Variants in IL1RAPL2 observed in about 807,000 individuals in gnomAD.
The protein encoded by IL1RAPL2 is X-linked interleukin-1 receptor accessory protein-like 2.
A neutral mutation model predicts 44.1 loss-of-function variants in IL1RAPL2; 3 were observed. The observed-to-expected ratio is 0.07, with a 90% CI of 0.03 to 0.18. IL1RAPL2 has a LOEUF of 0.18. Among genes scored for constraint, IL1RAPL2 ranks in the 10% least tolerant of loss-of-function variants. The pLI, the probability that IL1RAPL2 is intolerant of heterozygous loss-of-function variation, is 1.00. For synonymous variants in IL1RAPL2, 181 were observed against 178.8 expected (o/e 1.01, Z -0.10); for missense variants, 391 against 496.4 (o/e 0.79, Z 2.02).
intron 2 of IL1RAPL2, among the ~76,000 whole-genome samples, chrX:104,738,703 G>C: frequency 8.9e-6 from 1 of 111,771 alleles, no homozygotes; most frequent in East Asian, 2.8e-4. Context: ...GCTTTGGGAG[G>C]CTGAGGTGGG....
At chrX:105,095,267 A>C (rs372289591) in intron 2 of IL1RAPL2, among the ~76,000 whole-genome samples, 2 of 111,400 alleles carry the variant, frequency 1.8e-5, no homozygotes, top group African/African-American at 6.5e-5. Flanking sequence ...GAAACATTTC[A>C]ATCTTTTACC....
At chrX:105,130,714 T>C (rs1477322610) in intron 2 of IL1RAPL2, among the ~76,000 whole-genome samples, 2 of 111,397 alleles carry the variant, frequency 1.8e-5, no homozygotes, top group Admixed American at 9.6e-5. Flanking sequence ...TTGAATTCCA[T>C]TTTCACATTG....
intron 6 of IL1RAPL2, among the ~76,000 whole-genome samples, chrX:105,682,545 C>T (rs759148588): frequency 8.9e-6 from 1 of 111,768 alleles, no homozygotes; most frequent in South Asian, 3.7e-4. Flanking sequence ...ACACCACTAG[C>T]ACTCTGATAA....
At chrX:105,244,372 C>T (rs899054228) in intron 4 of IL1RAPL2, among the ~76,000 whole-genome samples, 2 of 111,397 alleles carry the variant, frequency 1.8e-5, no homozygotes, top group Non-Finnish European at 3.8e-5. Context: ...TTTTATACCC[C>T]CTGCAATATT....
intron 2 of IL1RAPL2, among the ~76,000 whole-genome samples, chrX:105,163,407 G>A (rs911019086): frequency 9.0e-6 from 1 of 111,555 alleles, no homozygotes; most frequent in African/African-American, 3.3e-5. Context: ...ACATGACTCC[G>A]GGTTTTGCTT....
At chrX:105,017,289 G>C (rs1390936107) in intron 2 of IL1RAPL2, among the ~76,000 whole-genome samples, 8 of 110,812 alleles carry the variant, frequency 7.2e-5, no homozygotes, top group Non-Finnish European at 1.9e-5. Context: ...AGATTTTTGT[G>C]TCTATCTCCT....
At chrX:105,718,609 A>G (rs1390676541) in intron 7 of IL1RAPL2, among the ~76,000 whole-genome samples, 1 of 111,452 alleles carries the variant, frequency 9.0e-6, no homozygotes, top group African/African-American at 3.3e-5. Flanking sequence ...ATGCACTAGG[A>G]TGGCTATAAT....
intron 2 of IL1RAPL2, among the ~76,000 whole-genome samples, chrX:104,771,936 A>G (rs1277883402): frequency 1.8e-5 from 2 of 112,064 alleles, no homozygotes; most frequent in Non-Finnish European, 3.8e-5. Context: ...TATGGACACT[A>G]AATATTTTCT....
chrX:105,481,517 G>T (rs991329286), intron 5 of IL1RAPL2, among the ~76,000 whole-genome samples: 2 of 112,109 alleles, frequency 1.8e-5, no homozygotes, highest in Non-Finnish European at 3.8e-5. Context: ...ATAAGGGAAG[G>T]GGAAAACAAT....
At chrX:104,828,746 G>A (rs186280702) in intron 2 of IL1RAPL2, among the ~76,000 whole-genome samples, 33 of 112,411 alleles carry the variant, frequency 2.9e-4, no homozygotes, top group Non-Finnish European at 3.6e-4. Context: ...CCTCCCCCAG[G>A]TGCTCTGTCT....
chrX:105,231,941 C>G (rs1356198830), intron 3 of IL1RAPL2, among the ~76,000 whole-genome samples: 3 of 112,279 alleles, frequency 2.7e-5, no homozygotes, highest in African/African-American at 9.7e-5. Context: ...GTGGCTTTAG[C>G]TTCATGGCAT....
intron 6 of IL1RAPL2, among the ~76,000 whole-genome samples, chrX:105,670,142 T>TATATATATATATATATATATATAAAA (rs1365896538): frequency 7.6e-5 from 4 of 52,975 alleles, no homozygotes; most frequent in African/African-American, 2.2e-4. Flanking sequence ...TATATATATA[T>TATATATATATATATATATATATAAAA]ATATATCTCC....
At position 104,951,491 on chromosome X, in the gene IL1RAPL2, G is replaced by A. The variant is rs754529804; in HGVS notation, c.83-243984G>A. On this transcript the variant is annotated intron_variant, in intron 2 of 10. Coordinates refer to ENST00000372582, the MANE Select transcript of IL1RAPL2 (RefSeq NM_017416.2). ...TTCATATTCAACTTTCTGAGCTGAC[G>A]TTACCAAAAAAGTGAAAGTTAAAAA... Among the ~76,000 whole-genome samples the A allele has an allele frequency of 1.8e-4, 20 of 112,248 alleles. No homozygotes were observed. The South Asian group carries it at 4.1e-3, about 23-fold the overall frequency.
Position 104,773,361 on chromosome X carries a change from C to A in IL1RAPL2, c.82+114366C>A. On this transcript the variant is annotated intron_variant, in intron 2 of 10. Transcript: ENST00000372582. Reference sequence around the variant, plus strand: ...TCAGTTATTTTAGTTTGGAATCATGCTTTTTATTGAAATTGTTGGTAATTT... The same window carrying A: ...TCAGTTATTTTAGTTTGGAATCATGATTTTTATTGAAATTGTTGGTAATTT... Among the ~76,000 whole-genome samples the A allele has an allele frequency of 3.6e-5, 4 of 111,827 alleles. No homozygotes were observed. In the Middle Eastern group the frequency reaches 0.018, roughly 513 times the overall value.
intron 2 of IL1RAPL2, among the ~76,000 whole-genome samples, chrX:105,168,320 T>C (rs978741631): frequency 5.4e-5 from 6 of 111,247 alleles, no homozygotes; most frequent in Admixed American, 1.9e-4. Flanking sequence ...TTCCTCTAAA[T>C]GCGGGGCTAT....
At chrX:105,158,358 CA>C (rs764577921) in intron 2 of IL1RAPL2, among the ~76,000 whole-genome samples, 1 of 99,185 alleles carries the variant, frequency 1.0e-5, no homozygotes. Context: ...GACTCCGTCT[CA>C]AAAAAAAAAG....
intron 2 of IL1RAPL2, among the ~76,000 whole-genome samples, chrX:105,117,543 G>A (rs939830510): frequency 1.7e-4 from 19 of 110,906 alleles, no homozygotes; most frequent in Admixed American, 7.6e-4. Context: ...CACATGTCCC[G>A]GGAAGGACCT....
At chrX:105,481,497 A>G (rs1235430296) in intron 5 of IL1RAPL2, among the ~76,000 whole-genome samples, 2 of 112,325 alleles carry the variant, frequency 1.8e-5, no homozygotes. Context: ...TCCATAGTCC[A>G]TGGCGGAAGA....
chrX:105,066,373 A>G (rs949873161), intron 2 of IL1RAPL2, among the ~76,000 whole-genome samples: 1 of 111,585 alleles, frequency 9.0e-6, no homozygotes, highest in African/African-American at 3.3e-5. Flanking sequence ...AACAAAACCT[A>G]CTACAGTAGT....
Sources: gnomAD v4.1 joint callset for allele counts (sites outside exome capture counted in the v4.1 genomes callset) on GRCh38, gnomAD v4.1.1 for gene constraint, MANE v1.5 for transcripts, NCBI Gene and HGNC (gene_info 2026-07-23, HGNC 2026-07-21) for gene names.